THSD4: variants seen among roughly 807,000 people sequenced by gnomAD.
THSD4 encodes the protein thrombospondin type 1 domain containing 4.
Under a neutral mutation model 119.0 loss-of-function variants are expected in THSD4, and 69 were observed. The observed-to-expected ratio is 0.58, with a 90% CI of 0.48 to 0.71. THSD4 has a LOEUF of 0.71. Ranked by LOEUF, THSD4 falls within the 30% of genes least tolerant of loss-of-function variation. THSD4 has a pLI of 0.00. For synonymous variants in THSD4, 524 were observed against 540.4 expected, an observed-to-expected ratio of 0.97 and a Z score of 0.42; for missense variants, 1,393 against 1,391.1, an observed-to-expected ratio of 1.00 and a Z score of -0.02.
chr15:71,318,899 G>T (rs2045227491), intron 6 of THSD4, among the ~76,000 whole-genome samples: 1 of 152,112 alleles, frequency 6.6e-6, no homozygotes, highest in Non-Finnish European at 1.5e-5. Flanking sequence ...CCTGGCCCTG[G>T]GTGCAGTACG....
chr15:71,765,241 G>C (rs181897961), intron 16 of THSD4, 42 bp downstream of exon 16: 31 of 1,586,204 alleles, frequency 2.0e-5, no homozygotes, highest in Non-Finnish European at 2.7e-5. Context: ...TTGGCACAAC[G>C]TCCCCCACCT....
chr15:71,606,806 C>T (rs970147295), intron 7 of THSD4, among the ~76,000 whole-genome samples: 1 of 152,190 alleles, frequency 6.6e-6, no homozygotes, highest in African/African-American at 2.4e-5. Flanking sequence ...TCCCAGAGTG[C>T]TGGGATTACA....
At chr15:71,564,330 G>T (rs1026124613) in intron 7 of THSD4, among the ~76,000 whole-genome samples, 3 of 152,092 alleles carry the variant, frequency 2.0e-5, no homozygotes, top group Non-Finnish European at 4.4e-5. Flanking sequence ...TGGATCAAGT[G>T]TCATGAGAAC....
At chr15:71,459,402 C>CTCTCTG (rs2047394957) in intron 7 of THSD4, among the ~76,000 whole-genome samples, 1 of 150,738 alleles carries the variant, frequency 6.6e-6, no homozygotes, top group Non-Finnish European at 1.5e-5. Flanking sequence ...CTCTCTCTCT[C>CTCTCTG]TCTGTCTCTC....
intron 7 of THSD4, among the ~76,000 whole-genome samples, chr15:71,628,345 C>A (rs1398633052): frequency 6.6e-6 from 1 of 152,170 alleles, no homozygotes; most frequent in Non-Finnish European, 1.5e-5. Context: ...GTTTTATGTT[C>A]ACACTTCCTC....
At chr15:71,713,932 C>G (rs567820880) in intron 8 of THSD4, among the ~76,000 whole-genome samples, 87 of 152,172 alleles carry the variant, frequency 5.7e-4, no homozygotes, top group Middle Eastern at 3.4e-3. Flanking sequence ...TCCAGTTGCC[C>G]CCACACCTAC....
At chr15:71,567,740 G>A (rs1316195009) in intron 7 of THSD4, among the ~76,000 whole-genome samples, 1 of 152,018 alleles carries the variant, frequency 6.6e-6, no homozygotes, top group Non-Finnish European at 1.5e-5. Context: ...TCAAAACCAG[G>A]GAAGCCAGAA....
intron 1 of THSD4, among the ~76,000 whole-genome samples, chr15:71,133,017 A>G (rs1173003925): frequency 6.6e-6 from 1 of 152,222 alleles, no homozygotes; most frequent in East Asian, 1.9e-4. Context: ...ATCTCGGAGA[A>G]AGGGCAGCAC....
intron 7 of THSD4, among the ~76,000 whole-genome samples, chr15:71,464,749 T>C (rs901009699): frequency 6.6e-5 from 10 of 152,180 alleles, no homozygotes; most frequent in Admixed American, 2.6e-4. Flanking sequence ...TTTTGGGAGA[T>C]GGACACTGTT....
intron 6 of THSD4, among the ~76,000 whole-genome samples, chr15:71,317,855 T>G (rs2045211129): frequency 6.6e-6 from 1 of 152,258 alleles, no homozygotes; most frequent in African/African-American, 2.4e-5. Flanking sequence ...TCATAATACC[T>G]ACCTTCATAG....
intron 7 of THSD4, among the ~76,000 whole-genome samples, chr15:71,565,994 C>A (rs1033987651): frequency 6.6e-6 from 1 of 152,086 alleles, no homozygotes; most frequent in Non-Finnish European, 1.5e-5. Flanking sequence ...CAACTAAAGA[C>A]CTGAAAGGGC....
intron 7 of THSD4, among the ~76,000 whole-genome samples, chr15:71,647,787 G>T (rs148457263): frequency 6.6e-6 from 1 of 152,252 alleles, no homozygotes; most frequent in African/African-American, 2.4e-5. Flanking sequence ...CTTCATGGGG[G>T]GTAAATCAGC....
intron 8 of THSD4, among the ~76,000 whole-genome samples, chr15:71,679,341 C>A (rs2051721230): frequency 6.6e-6 from 1 of 152,124 alleles, no homozygotes; most frequent in South Asian, 2.1e-4. Context: ...TAGTAAATAT[C>A]TTGGGCTTTG....
chr15:71,114,672 A>C (rs533780555), upstream of THSD4, among the ~76,000 whole-genome samples: 17 of 152,336 alleles, frequency 1.1e-4, no homozygotes, highest in South Asian at 3.1e-3. Context: ...GGGGGCAATA[A>C]TTTCCCAATT....
intron 17 of THSD4, among the ~76,000 whole-genome samples, chr15:71,772,039 A>C (rs935179305): frequency 4.6e-5 from 7 of 152,190 alleles, no homozygotes; most frequent in African/African-American, 1.7e-4. Context: ...TCTACTCAGA[A>C]TGCACCCCCA....
chr15:71,118,160 T>C (rs1340757363), intron 1 of THSD4, among the ~76,000 whole-genome samples: 1 of 151,988 alleles, frequency 6.6e-6, no homozygotes, highest in Non-Finnish European at 1.5e-5. Context: ...GACTGAAAGA[T>C]AGGAAAGTAC....
At chr15:71,522,459 G>A (rs543620306) in intron 7 of THSD4, among the ~76,000 whole-genome samples, 46 of 152,194 alleles carry the variant, frequency 3.0e-4, no homozygotes, top group Non-Finnish European at 5.6e-4. Context: ...ATGGGGTTAG[G>A]AGTGGGGATG....
intron 3 of THSD4, among the ~76,000 whole-genome samples, chr15:71,199,457 G>T (rs1417678890): frequency 3.7e-5 from 4 of 109,412 alleles, no homozygotes; most frequent in African/African-American, 5.9e-5. Context: ...GTGTGTGGGG[G>T]GGGGTGTGTG....
At chr15:71,269,311 A>G (rs1382749490) in intron 6 of THSD4, among the ~76,000 whole-genome samples, 2 of 152,180 alleles carry the variant, frequency 1.3e-5, no homozygotes, top group Non-Finnish European at 2.9e-5. Flanking sequence ...AAACCAATAA[A>G]CGTACTCCAT....
Sources: allele counts gnomAD v4.1 joint callset (sites outside exome capture counted in the v4.1 genomes callset), GRCh38; gene constraint gnomAD v4.1.1; transcripts MANE v1.5; gene names NCBI Gene and HGNC (gene_info 2026-07-23, HGNC 2026-07-21).